AZIN2: variants seen among roughly 807,000 people sequenced by gnomAD.
AZIN2 encodes ODC antizyme inhibitor-2.
Under a neutral mutation model 47.8 loss-of-function variants are expected in AZIN2, and 28 were observed. The ratio of observed to expected loss-of-function variants is 0.59; its 90% CI spans 0.43 to 0.80. The LOEUF is 0.80. Ranked by LOEUF, AZIN2 falls within the 30% of genes least tolerant of loss-of-function variation. AZIN2 has a pLI of 0.00. For missense variants in AZIN2, 535 were observed against 582.5 expected, an observed-to-expected ratio of 0.92 and a Z score of 0.84; for synonymous variants, 221 against 239.4, an observed-to-expected ratio of 0.92 and a Z score of 0.71.
intron 5 of AZIN2, among the ~76,000 whole-genome samples, chr1:33,088,014 C>A (rs1038486160): frequency 2.0e-5 from 3 of 152,180 alleles, no homozygotes; most frequent in African/African-American, 7.2e-5. Context: ...CATCTCTCCC[C>A]ATCTTCTGCC....
chr1:33,151,322 G>A, the AZIN2 span, among the ~76,000 whole-genome samples: 5 of 152,074 alleles, frequency 3.3e-5, no homozygotes, highest in Non-Finnish European at 7.4e-5. Context: ...TCTCTTAGGC[G>A]GGGGTGTGGC....
At chr1:33,101,738 G>T (rs188965923) in intron 10 of AZIN2, 2 of 664,860 alleles carry the variant, frequency 3.0e-6, no homozygotes, top group African/African-American at 1.8e-5. Context: ...TATTCCTCGA[G>T]TGTATTTATA....
rs1644732975 is a variant in AZIN2, at chr1:33,119,820, G to A, written c.1245-224G>A. The stretch of plus-strand genomic sequence containing the variant: ...AAGTGCCTGGCATGATGTCTGGCAT[G>A]TAGTAAATGCTCGATACATGTGGAT... On this transcript the variant is annotated intron_variant, in intron 11 of 11. Transcript: ENST00000294517. The A allele has an allele frequency of 1.3e-5, 8 of 594,234 alleles. No homozygotes were observed. The East Asian group carries it at 2.0e-4, about 15-fold the overall frequency. 36.8% of individuals were successfully genotyped at this position (594,234 alleles called of 1,614,324 possible). A position where few individuals can be genotyped will look rare whatever the true frequency, so the allele number is the denominator to read the frequency against.
In AZIN2 at chr1:33,120,606, G is replaced by A. The variant is rs1169440805; in HGVS notation, c.*424G>A. The A allele has an allele frequency of 1.2e-5, 2 of 171,858 alleles. No individual in the cohort carries two copies. Among genetic ancestry groups the A allele is most frequent in the South Asian group, 1.2e-4 (1 of 8,206 alleles). 10.6% of individuals were successfully genotyped at this position (171,858 alleles called of 1,614,324 possible). On this transcript the variant is annotated 3_prime_UTR_variant, in exon 12 of 12. Transcript: ENST00000294517. The stretch of plus-strand genomic sequence containing the variant: ...CAGGATTTCCCCATCACTCACTGAT[G>A]AGCCCACACCCTCTGCTTTAGTCCT...
rs769045663 is a variant in AZIN2 at position 33,098,085 on chromosome 1, C to T, written c.935C>T (p.Ser312Phe). 2 of 1,614,174 alleles carry T rather than the reference C, an allele frequency of 1.2e-6. No individual in the cohort carries two copies. The highest frequency in any genetic ancestry group is 3.3e-5 in the Admixed American group (2 of 60,014). The change falls in exon 10 of 12, where the codon TCC (serine) becomes TTC (phenylalanine). Residue 312 changes from serine (S) to phenylalanine (F), a missense_variant. Ser to Phe is a radical substitution (Grantham distance 155). This residue lies in a region of AZIN2 where 409 missense variants were observed against 429.0 expected (regional missense o/e 0.95). Transcript: ENST00000294517. Reference sequence around the variant, plus strand: ...CCTGCAGAGGAAAATGGTTCCACCTCCAAGACCATCGTGTACCACCTTGAT... The same window carrying T: ...CCTGCAGAGGAAAATGGTTCCACCTTCAAGACCATCGTGTACCACCTTGAT... ...PGREEENGST[S>F]KTIVYHLDEG...
rs376002449 is a variant in AZIN2, at chr1:33,101,893, C to T, written c.1029+3714C>T. 7.2e-5 allele frequency: 56 copies of T among 779,084 alleles called. No homozygotes were observed. The Middle Eastern group carries it at 2.9e-3, about 41-fold the overall frequency. 48.3% of individuals were successfully genotyped at this position (779,084 alleles called of 1,614,324 possible). A position where few individuals can be genotyped will look rare whatever the true frequency, so the allele number is the denominator to read the frequency against. On this transcript the variant is annotated intron_variant, in intron 10 of 11. Transcript: ENST00000294517. The stretch of plus-strand genomic sequence containing the variant: ...GTCCATTCATTTCATTGCCGTGTAG[C>T]GCTCTTTTGGTGAGTATGCTGCAGT...
chr1:33,120,854 G>A lies in AZIN2; in HGVS notation c.*672G>A, dbSNP rs1425323668. 1.3e-5 allele frequency among the ~76,000 whole-genome samples: 2 copies of A among 152,224 alleles called. No homozygotes were observed. Among genetic ancestry groups the A allele is most frequent in the Non-Finnish European group, 2.9e-5 (2 of 68,040 alleles). On this transcript the variant is annotated 3_prime_UTR_variant, in exon 12 of 12. Coordinates refer to ENST00000294517, the MANE Select transcript of AZIN2 (RefSeq NM_052998.4). Reference sequence around the variant, plus strand: ...TAGGGGCAATGGAGTATTTAACACAGCTGTGGAAATTCATACTGAAGATAC... The same window carrying A: ...TAGGGGCAATGGAGTATTTAACACAACTGTGGAAATTCATACTGAAGATAC...
At chr1:33,097,029 C>T in intron 9 of AZIN2, 160 bp downstream of exon 9, 1 of 777,800 alleles carries the variant, frequency 1.3e-6, no homozygotes, top group Non-Finnish European at 2.0e-6. Flanking sequence ...GTCGCCCCAC[C>T]CCAAGACATT....
the AZIN2 span, chr1:33,147,401 C>T: frequency 1.9e-6 from 3 of 1,614,152 alleles, no homozygotes; most frequent in Non-Finnish European, 2.5e-6. The surrounding 1 kb of genome is among the most constrained non-coding windows in gnomAD (Gnocchi z 8.1). Flanking sequence ...GTCCAGGGCT[C>T]CGTGCAGGCG....
intron 6 of AZIN2, among the ~76,000 whole-genome samples, chr1:33,092,747 G>C (rs1642706608): frequency 6.6e-6 from 1 of 152,148 alleles, no homozygotes; most frequent in South Asian, 2.1e-4. Flanking sequence ...GGGTGAAGGA[G>C]ATCCTGGTCG....
chr1:33,161,592 G>C, the AZIN2 span, among the ~76,000 whole-genome samples: 24 of 152,156 alleles, frequency 1.6e-4, no homozygotes, highest in Non-Finnish European at 3.1e-4. The surrounding 1 kb of genome is among the most constrained non-coding windows in gnomAD (Gnocchi z 4.3). Context: ...GCAGACAAAG[G>C]GGGGCGGACG....
intron 10 of AZIN2, among the ~76,000 whole-genome samples, chr1:33,104,790 C>T (rs182812951): frequency 3.9e-5 from 6 of 152,290 alleles, no homozygotes; most frequent in East Asian, 1.9e-4. Flanking sequence ...CCTCCACCTC[C>T]GAGGCTCAAG....
intron 10 of AZIN2, among the ~76,000 whole-genome samples, chr1:33,114,849 G>C (rs1644465910): frequency 6.6e-6 from 1 of 150,894 alleles, no homozygotes; most frequent in Non-Finnish European, 1.5e-5. Context: ...TGCCATGTTG[G>C]CCAGGCTGGC....
At chr1:33,165,631 C>G in the AZIN2 span, 2 of 1,419,384 alleles carry the variant, frequency 1.4e-6, no homozygotes, top group Non-Finnish European at 1.9e-6. The surrounding 1 kb of genome is among the most constrained non-coding windows in gnomAD (Gnocchi z 4.0). Flanking sequence ...TCAGCCCTGA[C>G]CACTGCCAGG....
At chr1:33,144,899 G>A in the AZIN2 span, among the ~76,000 whole-genome samples, 1 of 152,220 alleles carries the variant, frequency 6.6e-6, no homozygotes, top group African/African-American at 2.4e-5. Flanking sequence ...GGCAGCTGGG[G>A]GGATAGGGTA....
At chr1:33,154,396 A>C in the AZIN2 span, among the ~76,000 whole-genome samples, 1 of 152,198 alleles carries the variant, frequency 6.6e-6, no homozygotes. Context: ...TCAGCCTGGC[A>C]TTCAAGGCCC....
the AZIN2 span, chr1:33,159,851 G>T: frequency 4.3e-6 from 7 of 1,613,318 alleles, no homozygotes; most frequent in Admixed American, 1.2e-4. The surrounding 1 kb of genome is among the most constrained non-coding windows in gnomAD (Gnocchi z 4.2). Context: ...TCCGCCTCCA[G>T]CTCCTCTAGC....
At chr1:33,138,642 AAAAG>A in the AZIN2 span, among the ~76,000 whole-genome samples, 2 of 145,980 alleles carry the variant, frequency 1.4e-5, no homozygotes, top group African/African-American at 4.9e-5. Flanking sequence ...AAAAAAAAAA[AAAAG>A]AAAAGGAAAG....
At chr1:33,115,583 A>T (rs1341758205) in intron 10 of AZIN2, among the ~76,000 whole-genome samples, 6 of 142,280 alleles carry the variant, frequency 4.2e-5, no homozygotes, top group African/African-American at 1.6e-4. Context: ...CGGCACCTGT[A>T]ATCTCAGCTA....
Sources: allele counts gnomAD v4.1 joint callset (sites outside exome capture counted in the v4.1 genomes callset), GRCh38; gene constraint gnomAD v4.1.1; regional missense constraint gnomAD v4.1.1; non-coding constraint Gnocchi (gnomAD v3.1); transcripts MANE v1.5; gene names NCBI Gene and HGNC (gene_info 2026-07-23, HGNC 2026-07-21).